The following MFSD8 variants were observed in gnomAD, a reference collection of about 807,000 sequenced individuals.
MFSD8 encodes major facilitator superfamily domain-containing protein 8.
Under a neutral mutation model 66.4 loss-of-function variants are expected in MFSD8, and 55 were observed. The observed-to-expected ratio is 0.83, with a 90% CI of 0.67 to 1.04. The LOEUF (loss-of-function observed/expected upper bound fraction) is 1.04. Among genes scored for constraint, MFSD8 ranks in the 50% least tolerant of loss-of-function variants. The pLI is 0.00. For missense variants in MFSD8, 550 were observed against 627.6 expected (o/e 0.88, Z 1.32); for synonymous variants, 202 against 212.8 (o/e 0.95, Z 0.44).
chr4:127,956,391 T>A (rs909247650), intron 2 of MFSD8, among the ~76,000 whole-genome samples: 4 of 149,666 alleles, frequency 2.7e-5, no homozygotes, highest in African/African-American at 9.9e-5. Context: ...TCCCAGCTAC[T>A]CGGGAGGCTG....
intron 5 of MFSD8, among the ~76,000 whole-genome samples, chr4:127,940,216 A>G (rs567319395): frequency 6.6e-6 from 1 of 152,228 alleles, no homozygotes; most frequent in South Asian, 2.1e-4. Context: ...TGGTACATAA[A>G]AGATATATGA....
Position 127,954,976 on chromosome 4 carries a change from C to T in MFSD8, c.154+2525G>A, listed in dbSNP as rs1318361635. Among the ~76,000 whole-genome samples, 6 of 152,080 alleles carry T rather than the reference C, an allele frequency of 3.9e-5. No homozygotes were observed. The East Asian group carries it at 5.8e-4, about 15-fold the overall frequency. ...TGACTACTATCCAAAAGAAAGTTAA[C>T]GTTGGCAAGGATGTGAAAAAATTGG... On this transcript the variant is annotated intron_variant, in intron 2 of 11. Transcript: ENST00000641686.
At chr4:127,956,434 A>C (rs1341377573) in intron 2 of MFSD8, among the ~76,000 whole-genome samples, 2 of 149,948 alleles carry the variant, frequency 1.3e-5, no homozygotes, top group African/African-American at 4.9e-5. Flanking sequence ...TGGGAGGCGG[A>C]GCTTGCAGTG....
chr4:127,946,090 C>G (rs1341917684), intron 3 of MFSD8, among the ~76,000 whole-genome samples: 1 of 151,774 alleles, frequency 6.6e-6, no homozygotes, highest in Non-Finnish European at 1.5e-5. Flanking sequence ...ACCCAGATAA[C>G]TTTTTAAATT....
chr4:127,922,275 A>C (rs993334384), intron 9 of MFSD8, among the ~76,000 whole-genome samples: 8 of 152,162 alleles, frequency 5.3e-5, no homozygotes, highest in African/African-American at 1.9e-4. Context: ...AAAATGTGAC[A>C]ATGTGAGTAC....
intron 3 of MFSD8, 55 bp downstream of exon 3, chr4:127,949,749 G>A (rs367786065): frequency 2.8e-5 from 41 of 1,443,180 alleles, no homozygotes; most frequent in African/African-American, 1.7e-4. Context: ...GCTTAACTAC[G>A]TAAGAGTTAC....
chr4:127,960,525 C>CAAAA (rs1172022809), intron 1 of MFSD8, among the ~76,000 whole-genome samples: 1 of 150,478 alleles, frequency 6.6e-6, no homozygotes, highest in African/African-American at 2.4e-5. Context: ...CAGTCTGTCT[C>CAAAA]AAAAAAATAA....
At chr4:127,963,314 A>C (rs902181540) in intron 1 of MFSD8, among the ~76,000 whole-genome samples, 2 of 152,202 alleles carry the variant, frequency 1.3e-5, no homozygotes, top group Non-Finnish European at 2.9e-5. Flanking sequence ...GAAACTGTGA[A>C]ATCTGGAAAG....
chr4:127,962,201 C>A (rs1370254703), intron 1 of MFSD8, among the ~76,000 whole-genome samples: 1 of 152,110 alleles, frequency 6.6e-6, no homozygotes, highest in African/African-American at 2.4e-5. Context: ...ACATTTGGGA[C>A]TGTTTGCTTC....
intron 3 of MFSD8, among the ~76,000 whole-genome samples, chr4:127,947,250 A>G (rs749799643): frequency 6.6e-6 from 1 of 151,674 alleles, no homozygotes; most frequent in Non-Finnish European, 1.5e-5. Context: ...ATTAGCCAGG[A>G]ATGGTGGCGG....
rs2149008240 is a variant in MFSD8 at position 127,965,082 on chromosome 4, G to A, written c.52C>T (p.Pro18Ser). ...CCAGGATCCGCTCACCTGCTTCCAG[G>A]TGTGTCGCCTAAGAGCGGCTCCTGT... ...SEQEPLLGDT[P>S]GSREWDILET... The change falls in exon 1 of 12, where the codon CCT becomes TCT. Residue 18 changes from proline (P) to serine (S), a missense_variant. Physicochemically the swap from Pro to Ser is moderately conservative, Grantham distance 74. Coordinates refer to ENST00000641686, the MANE Select transcript of MFSD8 (RefSeq NM_001371596.2). 1 of 1,613,886 alleles carries A rather than the reference G, an allele frequency of 6.2e-7. No homozygotes were observed.
intron 3 of MFSD8, among the ~76,000 whole-genome samples, chr4:127,949,271 C>T (rs192766506): frequency 4.7e-4 from 71 of 152,276 alleles, no homozygotes; most frequent in African/African-American, 1.7e-3. Flanking sequence ...CTGACAGGAC[C>T]TGATGATCAA....
chr4:127,933,160 T>C (rs1738451852), intron 7 of MFSD8, 67 bp from the exon 8 acceptor site: 1 of 1,321,014 alleles, frequency 7.6e-7, no homozygotes, highest in African/African-American at 1.5e-5. Context: ...ATTAAAGTAA[T>C]GTAGAAATTA....
rs554248493 is a variant in MFSD8, at chr4:127,947,518, C to A, written c.198+2286G>T. On this transcript the variant is annotated intron_variant, in intron 3 of 11. Coordinates refer to ENST00000641686, the MANE Select transcript of MFSD8 (RefSeq NM_001371596.2). ...GCTTGAACCCTTAAGGCAGAGATTG[C>A]AGCGCACCAAGATCACGCCACTGCA... Among the ~76,000 whole-genome samples the A allele has an allele frequency of 4.7e-5, 7 of 148,058 alleles. No homozygotes were observed. In the South Asian group the frequency reaches 1.3e-3, roughly 27 times the overall value.
chr4:127,921,776 A>G lies in MFSD8; in HGVS notation c.1103-5T>C, dbSNP rs2148840518. The G allele has an allele frequency of 1.2e-6, 2 of 1,614,210 alleles. No homozygotes were observed. The highest frequency in any genetic ancestry group is 1.7e-6 in the Non-Finnish European group (2 of 1,180,034). ...GGATTGAATTATTGTGCAAATCTGT[A>G]AAAACAAAACCATTGCAGTGCATTA... On this transcript the variant is annotated splice_polypyrimidine_tract_variant and splice_region_variant and intron_variant, in intron 10 of 11. Transcript: ENST00000641686.
Position 127,920,669 on chromosome 4 carries a change from G to C in MFSD8, c.1518C>G (p.Leu506=), listed in dbSNP as rs140732035. The C allele has an allele frequency of 6.2e-7, 1 of 1,613,866 alleles. No individual in the cohort carries two copies. The highest frequency in any genetic ancestry group is 1.3e-5 in the African/African-American group (1 of 74,858). The change falls in exon 12 of 12, where the codon CTC becomes CTG. Residue 506 remains leucine (L), a synonymous_variant. Transcript: ENST00000641686. ...ITLLGVVYKR[L]IALSVRYGRI... is the part of the protein sequence containing the mutation. ...TCCCATATCTTACAGAAAGAGCAAT[G>C]AGTCTTTTGTAAACCACTCCCAGGA...
chr4:127,957,647 T>A, intron 1 of MFSD8, 55 bp from the exon 2 acceptor site: 1 of 1,198,898 alleles, frequency 8.3e-7, no homozygotes, highest in Non-Finnish European at 1.2e-6. Flanking sequence ...ATGTGGATCT[T>A]AAGTGTCAAC....
chr4:127,933,870 T>C (rs1284731104), intron 7 of MFSD8, among the ~76,000 whole-genome samples: 2 of 152,190 alleles, frequency 1.3e-5, no homozygotes, highest in Non-Finnish European at 2.9e-5. Context: ...ACAATGGATA[T>C]ATATTTTGAA....
Position 127,958,394 on chromosome 4 carries a change from T to A in MFSD8, c.63-802A>T, listed in dbSNP as rs533673771. Among the ~76,000 whole-genome samples, 3 of 152,294 alleles carry A rather than the reference T, an allele frequency of 2.0e-5. No homozygotes were observed. In the East Asian group the frequency reaches 5.8e-4, roughly 29 times the overall value. The stretch of plus-strand genomic sequence containing the variant: ...GCAGAACAGACAAAATGCCTTCTTA[T>A]GTTCCAAGATTAATTTCTTAAAAAT... On this transcript the variant is annotated intron_variant, in intron 1 of 11. Coordinates refer to ENST00000641686, the MANE Select transcript of MFSD8 (RefSeq NM_001371596.2).
Sources: gnomAD v4.1 joint callset for allele counts (sites outside exome capture counted in the v4.1 genomes callset) on GRCh38, gnomAD v4.1.1 for gene constraint, MANE v1.5 for transcripts, NCBI Gene and HGNC (gene_info 2026-07-23, HGNC 2026-07-21) for gene names.